Variants in KPNA3 observed in about 807,000 individuals in gnomAD.
KPNA3 encodes the protein karyopherin subunit alpha 3, also known as importin subunit alpha-4.
A neutral mutation model predicts 73.8 loss-of-function variants in KPNA3; 13 were observed. That is an observed-to-expected ratio of 0.18 (90% CI 0.11 to 0.28). The LOEUF (loss-of-function observed/expected upper bound fraction) is 0.28. Ranked by LOEUF, KPNA3 falls within the 10% of genes least tolerant of loss-of-function variation. The pLI is 1.00. For synonymous variants in KPNA3, 186 were observed against 206.9 expected, an observed-to-expected ratio of 0.90 and a Z score of 0.87; for missense variants, 360 against 618.1, an observed-to-expected ratio of 0.58 and a Z score of 4.43.
chr13:49,714,124 C>G (rs951996205), intron 10 of KPNA3, among the ~76,000 whole-genome samples: 2 of 152,116 alleles, frequency 1.3e-5, no homozygotes, highest in African/African-American at 4.8e-5. Flanking sequence ...ACAAATTTGT[C>G]TGAACCCATA....
chr13:49,736,578 C>T (rs1446735543), intron 2 of KPNA3, among the ~76,000 whole-genome samples: 3 of 152,068 alleles, frequency 2.0e-5, no homozygotes, highest in Admixed American at 1.3e-4. Flanking sequence ...TATGCTTTGC[C>T]CAGGTTACCC....
chr13:49,748,566 ATCT>A (rs879641205), intron 1 of KPNA3, among the ~76,000 whole-genome samples: 23 of 152,070 alleles, frequency 1.5e-4, no homozygotes, highest in South Asian at 4.1e-4. Flanking sequence ...AACCACAGTG[ATCT>A]TCTTAAGAAA....
chr13:49,774,421 T>C (rs1954880183), intron 1 of KPNA3, among the ~76,000 whole-genome samples: 3 of 152,312 alleles, frequency 2.0e-5, no homozygotes, highest in Admixed American at 6.5e-5. Context: ...TGGTTTCCTC[T>C]GGTTTATAAA....
At chr13:49,757,570 C>T (rs542155884) in intron 1 of KPNA3, among the ~76,000 whole-genome samples, 14 of 152,214 alleles carry the variant, frequency 9.2e-5, no homozygotes, top group Non-Finnish European at 1.8e-4. Context: ...AGTTTTCATA[C>T]ATTGCTTGTG....
intron 2 of KPNA3, among the ~76,000 whole-genome samples, chr13:49,735,310 C>CG (rs953161652): frequency 6.6e-6 from 1 of 151,988 alleles, no homozygotes; most frequent in Non-Finnish European, 1.5e-5. Flanking sequence ...TTAGTAGAGA[C>CG]GGGGTTTCTC....
intron 8 of KPNA3, 116 bp downstream of exon 8, chr13:49,722,361 G>T: frequency 1.4e-6 from 1 of 717,616 alleles, no homozygotes; most frequent in Non-Finnish European, 2.3e-6. Context: ...TACTTATGAG[G>T]CAAGAAGAGA....
chr13:49,741,402 G>C (rs765940584), intron 2 of KPNA3, among the ~76,000 whole-genome samples: 30 of 150,666 alleles, frequency 2.0e-4, no homozygotes, highest in Non-Finnish European at 3.7e-4. Flanking sequence ...ACAATTTTTA[G>C]TATACCTATT....
chr13:49,725,094 A>G (rs1954397451), intron 7 of KPNA3, among the ~76,000 whole-genome samples: 1 of 152,224 alleles, frequency 6.6e-6, no homozygotes, highest in Admixed American at 6.5e-5. Context: ...TCTTGAGGAA[A>G]GTAAAATTTA....
Position 49,775,187 on chromosome 13 carries a change from GAA to G in KPNA3, c.69+17249_69+17250del, listed in dbSNP as rs1475117356. 8.5e-5 allele frequency among the ~76,000 whole-genome samples: 8 copies of G among 93,768 alleles called. No homozygotes were observed. In the East Asian group the frequency reaches 2.2e-3, roughly 25 times the overall value. The allele number at this position is 93,768 out of a possible 152,430, so 61.5% of individuals were successfully genotyped here. A position where few individuals can be genotyped will look rare whatever the true frequency, so the allele number is the denominator to read the frequency against. On this transcript the variant is annotated intron_variant, in intron 1 of 16. Coordinates refer to ENST00000261667, the MANE Select transcript of KPNA3 (RefSeq NM_002267.4). ...CAAAAAAAAAAAAAAAAAAAAAAAA[GAA>G]AAAAGAAAAAAGAATATATTCTAGC...
intron 15 of KPNA3, among the ~76,000 whole-genome samples, chr13:49,703,183 CTTTT>C (rs35282756): frequency 9.2e-6 from 1 of 109,200 alleles, no homozygotes; most frequent in African/African-American, 3.5e-5. Context: ...TTCTTTCTTT[CTTTT>C]TTTTTTTTTT....
chr13:49,783,518 T>C (rs542614571), intron 1 of KPNA3, among the ~76,000 whole-genome samples: 1 of 152,228 alleles, frequency 6.6e-6, no homozygotes, highest in South Asian at 2.1e-4. Flanking sequence ...TTCTATAAAA[T>C]GGCACAGTAC....
At chr13:49,725,994 C>T (rs12864534) in intron 6 of KPNA3, among the ~76,000 whole-genome samples, 36,396 of 152,174 alleles carry the variant, frequency 0.24, 5,203 homozygotes, top group Non-Finnish European at 0.32. Context: ...CACTATGAAC[C>T]TGCTTCTTTA....
intron 6 of KPNA3, among the ~76,000 whole-genome samples, chr13:49,731,750 A>T (rs971413812): frequency 6.6e-6 from 1 of 152,248 alleles, no homozygotes. Context: ...TTTAAGGCAC[A>T]GCACTGAGAT....
intron 1 of KPNA3, among the ~76,000 whole-genome samples, chr13:49,760,861 G>C (rs943661736): frequency 1.3e-5 from 2 of 152,038 alleles, no homozygotes; most frequent in Non-Finnish European, 2.9e-5. Context: ...GGGCCCAGAT[G>C]GAACAAAAAG....
intron 12 of KPNA3, 46 bp from the exon 13 acceptor site, chr13:49,706,418 C>T (rs982864432): frequency 8.1e-6 from 10 of 1,235,726 alleles, no homozygotes; most frequent in Non-Finnish European, 1.2e-5. Flanking sequence ...AAAAATAATA[C>T]CTTTAATGTC....
chr13:49,778,895 A>T (rs1162888086), intron 1 of KPNA3, among the ~76,000 whole-genome samples: 1 of 152,224 alleles, frequency 6.6e-6, no homozygotes, highest in Non-Finnish European at 1.5e-5. Flanking sequence ...GGTGTGAGCC[A>T]CTGTGCCCAG....
intron 1 of KPNA3, among the ~76,000 whole-genome samples, chr13:49,783,664 T>C (rs1192634520): frequency 2.6e-5 from 4 of 152,228 alleles, no homozygotes; most frequent in Non-Finnish European, 5.9e-5. Context: ...TTAGAAGTTC[T>C]AGATATACAC....
At chr13:49,745,421 G>A (rs1237461829) in intron 2 of KPNA3, among the ~76,000 whole-genome samples, 1 of 135,824 alleles carries the variant, frequency 7.4e-6, no homozygotes, top group East Asian at 2.0e-4. Context: ...GTGTAGTGGC[G>A]TGACCCTGGC....
At chr13:49,713,524 CATT>C (rs1194780051) in intron 10 of KPNA3, among the ~76,000 whole-genome samples, 3 of 151,766 alleles carry the variant, frequency 2.0e-5, no homozygotes, top group Non-Finnish European at 4.4e-5. Flanking sequence ...AAGTCAGAAA[CATT>C]ATAAGCCTAT....
Sources: gnomAD v4.1 joint callset for allele counts (sites outside exome capture counted in the v4.1 genomes callset) on GRCh38, gnomAD v4.1.1 for gene constraint, MANE v1.5 for transcripts, NCBI Gene and HGNC (gene_info 2026-07-23, HGNC 2026-07-21) for gene names.